RALGAPA2: variants seen among roughly 807,000 people sequenced by gnomAD.
RALGAPA2 encodes ral GTPase-activating protein subunit alpha-2.
In RALGAPA2, 139 loss-of-function variants were observed where a neutral mutation model predicts 230.4. That is an observed-to-expected ratio of 0.60 (90% CI 0.53 to 0.69). The LOEUF is 0.69. Ranked by LOEUF, RALGAPA2 falls within the 30% of genes least tolerant of loss-of-function variation. The pLI is 0.00. For missense variants in RALGAPA2, 2,163 were observed against 2,276.0 expected, an observed-to-expected ratio of 0.95 and a Z score of 1.01; for synonymous variants, 847 against 837.8, an observed-to-expected ratio of 1.01 and a Z score of -0.19.
At chr20:20,702,341 T>C (rs2069414969) in intron 1 of RALGAPA2, among the ~76,000 whole-genome samples, 1 of 152,128 alleles carries the variant, frequency 6.6e-6, no homozygotes, top group African/African-American at 2.4e-5. Context: ...TTGGGGTAAA[T>C]GCCCATGAAG....
At position 20,391,973 on chromosome 20, in the gene RALGAPA2, G is replaced by A. The variant is rs1253742756; in HGVS notation, c.*1316C>T. ...GGCGATGGACTCTGGTAAGCTTCTT[G>A]GATTTACTTCCCAAGTGAAGTGCGG... On this transcript the variant is annotated 3_prime_UTR_variant, in exon 40 of 40. Coordinates refer to ENST00000202677, the MANE Select transcript of RALGAPA2 (RefSeq NM_020343.4). 1 of 152,444 alleles carries A rather than the reference G, an allele frequency of 6.6e-6. No homozygotes were observed. Among genetic ancestry groups the A allele is most frequent in the African/African-American group, 2.4e-5 (1 of 41,470 alleles). 9.4% of individuals were successfully genotyped at this position (152,444 alleles called of 1,614,324 possible).
chr20:20,701,510 G>C (rs528701361), intron 1 of RALGAPA2, among the ~76,000 whole-genome samples: 1 of 152,110 alleles, frequency 6.6e-6, no homozygotes, highest in Non-Finnish European at 1.5e-5. Flanking sequence ...AGGCCAAGGC[G>C]GGCAGATCAC....
intron 24 of RALGAPA2, among the ~76,000 whole-genome samples, chr20:20,545,153 T>C (rs1275366653): frequency 6.6e-6 from 1 of 152,208 alleles, no homozygotes; most frequent in Non-Finnish European, 1.5e-5. Flanking sequence ...TCAGAAATAA[T>C]GAAGTATGAA....
chr20:20,399,674 A>T (rs1441126549), intron 38 of RALGAPA2, among the ~76,000 whole-genome samples: 4 of 152,214 alleles, frequency 2.6e-5, no homozygotes, highest in African/African-American at 4.8e-5. Context: ...ACAGGAAACA[A>T]GAGGCTGGCT....
chr20:20,712,267 C>T lies in RALGAPA2; in HGVS notation c.106+108G>A. The T allele has an allele frequency of 1.3e-6, 1 of 768,306 alleles. No homozygotes were observed. Among genetic ancestry groups the T allele is most frequent in the Non-Finnish European group, 1.9e-6 (1 of 517,912 alleles). 47.6% of individuals were successfully genotyped at this position (768,306 alleles called of 1,614,324 possible). ...CAGGGAAGGGGGTCGGACGCCCACC[C>T]ATCCCCCTCCCCAGCCTCCCAGCCA... On this transcript the variant is annotated intron_variant, in intron 1 of 39. Coordinates refer to ENST00000202677, the MANE Select transcript of RALGAPA2 (RefSeq NM_020343.4). The surrounding 1 kb of genome is among the most constrained non-coding windows in gnomAD (Gnocchi z 5.5).
At chr20:20,700,676 T>C (rs1449511226) in intron 1 of RALGAPA2, among the ~76,000 whole-genome samples, 1 of 152,148 alleles carries the variant, frequency 6.6e-6, no homozygotes, top group Non-Finnish European at 1.5e-5. Flanking sequence ...CCGAACCCCA[T>C]CAAGGTTTAC....
intron 20 of RALGAPA2, among the ~76,000 whole-genome samples, chr20:20,575,250 AT>A (rs1233842584): frequency 6.6e-6 from 1 of 152,170 alleles, no homozygotes; most frequent in Non-Finnish European, 1.5e-5. Flanking sequence ...TCTGGCCTAG[AT>A]TTCTTTCCTC....
At chr20:20,587,556 C>A (rs1392385633) in intron 18 of RALGAPA2, among the ~76,000 whole-genome samples, 1 of 152,006 alleles carries the variant, frequency 6.6e-6, no homozygotes, top group Non-Finnish European at 1.5e-5. Flanking sequence ...GTAGAGCAAA[C>A]CTGAAACATT....
intron 35 of RALGAPA2, among the ~76,000 whole-genome samples, chr20:20,502,876 A>G (rs1734142209): frequency 6.6e-6 from 1 of 152,206 alleles, no homozygotes; most frequent in Non-Finnish European, 1.5e-5. Context: ...CAGGTTGGAA[A>G]GTAAAGGCCA....
chr20:20,462,444 C>A lies in RALGAPA2; in HGVS notation c.5495+10385G>T, dbSNP rs911982544. Among the ~76,000 whole-genome samples, 3 of 152,172 alleles carry A rather than the reference C, an allele frequency of 2.0e-5. No individual in the cohort carries two copies. The South Asian group carries it at 6.2e-4, about 32-fold the overall frequency. On this transcript the variant is annotated intron_variant, in intron 37 of 39. Coordinates refer to ENST00000202677, the MANE Select transcript of RALGAPA2 (RefSeq NM_020343.4). ...CACGGAGGAGAAAAGGGAGTGGGCA[C>A]CAGCACAGAACCCTGCAGTATCCTT...
intron 20 of RALGAPA2, 25 bp downstream of exon 20, chr20:20,583,025 G>T (rs2065031640): frequency 1.2e-6 from 2 of 1,606,558 alleles, no homozygotes; most frequent in Non-Finnish European, 1.7e-6. Flanking sequence ...TTGCATTAGT[G>T]CCTCTTTTTC....
chr20:20,621,553 T>G (rs2066324515), intron 10 of RALGAPA2, among the ~76,000 whole-genome samples: 1 of 152,052 alleles, frequency 6.6e-6, no homozygotes, highest in Non-Finnish European at 1.5e-5. Flanking sequence ...ATATCATATA[T>G]ATCAGGTTTC....
chr20:20,506,771 T>C (rs1569451616), intron 33 of RALGAPA2, among the ~76,000 whole-genome samples: 1 of 152,234 alleles, frequency 6.6e-6, no homozygotes, highest in Non-Finnish European at 1.5e-5. Flanking sequence ...TTTTAACAAA[T>C]TATCTAAGAT....
rs1383500585 is a variant in RALGAPA2 at position 20,389,887 on chromosome 20, T to G, written c.*3402A>C. On this transcript the variant is annotated 3_prime_UTR_variant, in exon 40 of 40. Coordinates refer to ENST00000202677, the MANE Select transcript of RALGAPA2 (RefSeq NM_020343.4). ...ATCAAATGACACGCTATAACTTAAT[T>G]TACCATATTTATCAAATTTTTTCCT... 1 of 152,002 alleles carries G rather than the reference T, an allele frequency of 6.6e-6. No homozygotes were observed. Among genetic ancestry groups the G allele is most frequent in the African/African-American group, 2.4e-5 (1 of 41,354 alleles). 9.4% of individuals were successfully genotyped at this position (152,002 alleles called of 1,614,324 possible).
chr20:20,463,523 T>G (rs1189164966), intron 37 of RALGAPA2, among the ~76,000 whole-genome samples: 3 of 152,016 alleles, frequency 2.0e-5, no homozygotes, highest in Non-Finnish European at 2.9e-5. Context: ...TTTGTGCTTT[T>G]TTAAATTATG....
chr20:20,452,448 C>A (rs2061008165), intron 37 of RALGAPA2, among the ~76,000 whole-genome samples: 1 of 152,212 alleles, frequency 6.6e-6, no homozygotes, highest in Admixed American at 6.5e-5. Context: ...CATGCGAAGG[C>A]CTATTACTTT....
rs183676589 is a variant in RALGAPA2, at chr20:20,508,089, A to G, written c.4929-2555T>C. ...CTTGAGCCCTCATTAACTCAATGTG[A>G]GAGCACAAGAGAGCTAAGCCTGAAT... On this transcript the variant is annotated intron_variant, in intron 33 of 39. Transcript: ENST00000202677. 2.6e-5 allele frequency among the ~76,000 whole-genome samples: 4 copies of G among 152,364 alleles called. No individual in the cohort carries two copies. The East Asian group carries it at 7.7e-4, about 29-fold the overall frequency.
At chr20:20,466,964 C>A (rs2061433118) in intron 37 of RALGAPA2, among the ~76,000 whole-genome samples, 2 of 152,188 alleles carry the variant, frequency 1.3e-5, no homozygotes, top group Non-Finnish European at 2.9e-5. Flanking sequence ...AATTAGTTAA[C>A]CCTCTCAGCT....
intron 23 of RALGAPA2, among the ~76,000 whole-genome samples, chr20:20,567,831 T>C (rs1347044624): frequency 4.2e-5 from 6 of 143,974 alleles, no homozygotes; most frequent in Non-Finnish European, 9.0e-5. Flanking sequence ...AATGGAGCGA[T>C]ACCCCATCTC....
Sources: allele counts gnomAD v4.1 joint callset (sites outside exome capture counted in the v4.1 genomes callset), GRCh38; gene constraint gnomAD v4.1.1; non-coding constraint Gnocchi (gnomAD v3.1); transcripts MANE v1.5; gene names NCBI Gene and HGNC (gene_info 2026-07-23, HGNC 2026-07-21).